Variants in PLCB1 observed in about 807,000 individuals in gnomAD.
PLCB1 encodes 1-phosphatidylinositol 4,5-bisphosphate phosphodiesterase beta-1.
A neutral mutation model predicts 161.8 loss-of-function variants in PLCB1; 46 were observed. The ratio of observed to expected loss-of-function variants is 0.28; its 90% confidence interval spans 0.22 to 0.36. The LOEUF (loss-of-function observed/expected upper bound fraction) is 0.36. PLCB1 is among the 10% of genes least tolerant of loss of function. The probability of loss-of-function intolerance (pLI) is 1.00; values close to 1 mark genes in which losing one functional copy is unlikely to be tolerated. For synonymous variants in PLCB1, 517 were observed against 503.7 expected, an observed-to-expected ratio of 1.03 and a Z score of -0.35; for missense variants, 1,016 against 1,472.5, an observed-to-expected ratio of 0.69 and a Z score of 5.07.
At chr20:8,230,105 CAA>C (rs1979945829) in intron 2 of PLCB1, among the ~76,000 whole-genome samples, 1 of 82,430 alleles carries the variant, frequency 1.2e-5, no homozygotes. Context: ...AAACAGAAAA[CAA>C]AGTAGGCCTA....
In PLCB1 at chr20:8,134,870, A is replaced by T. The variant is rs1011740343; in HGVS notation, c.99+2120A>T. Among the ~76,000 whole-genome samples the T allele has an allele frequency of 7.5e-4, 110 of 147,554 alleles. 1 individual carries two copies. The highest frequency in any genetic ancestry group is 6.5e-3 in the East Asian group (33 of 5,094). ...CCAGAAGAATTTCAGGTCTTTTTTAAAAAAAAAAAAAAAACCTAGACTGCA... is the reference window on the plus strand; with the variant it reads ...CCAGAAGAATTTCAGGTCTTTTTTATAAAAAAAAAAAAAACCTAGACTGCA... On this transcript the variant is annotated intron_variant, in intron 1 of 31. Transcript: ENST00000338037.
At chr20:8,556,293 C>G (rs1985950316) in intron 3 of PLCB1, among the ~76,000 whole-genome samples, 1 of 151,924 alleles carries the variant, frequency 6.6e-6, no homozygotes, top group Admixed American at 6.6e-5. Flanking sequence ...TTTTACCTAA[C>G]TTGGAACTCT....
At position 8,648,530 on chromosome 20, in the gene PLCB1, A is replaced by C. The variant is rs541739178; in HGVS notation, c.518+577A>C. On this transcript the variant is annotated intron_variant, in intron 6 of 31. Transcript: ENST00000338037. ...CCTAAATTAGTATATTAAATTGTCC[A>C]GTACTTAAGTTCTATTTTTAAATCA... is the stretch of plus-strand genomic sequence containing the variant. 5.0e-4 allele frequency among the ~76,000 whole-genome samples: 76 copies of C among 152,354 alleles called. 1 individual carries two copies. The highest frequency in any genetic ancestry group is 1.8e-3 in the African/African-American group (73 of 41,584).
chr20:8,554,029 C>T (rs756521407), intron 3 of PLCB1, among the ~76,000 whole-genome samples: 3 of 151,528 alleles, frequency 2.0e-5, no homozygotes, highest in Non-Finnish European at 4.4e-5. Flanking sequence ...TGCTGTTTAA[C>T]TCCACAAAAG....
At chr20:8,640,838 C>A (rs1276431559) in intron 4 of PLCB1, among the ~76,000 whole-genome samples, 4 of 152,156 alleles carry the variant, frequency 2.6e-5, no homozygotes, top group African/African-American at 9.7e-5. Context: ...CTACTCTGTG[C>A]CATGGACGTT....
intron 3 of PLCB1, among the ~76,000 whole-genome samples, chr20:8,510,802 G>A (rs1453813250): frequency 6.6e-6 from 1 of 152,186 alleles, no homozygotes; most frequent in African/African-American, 2.4e-5. Flanking sequence ...ACTTCTGAAA[G>A]AGAGGGTTTT....
intron 2 of PLCB1, among the ~76,000 whole-genome samples, chr20:8,170,161 G>A (rs981135779): frequency 6.6e-6 from 1 of 152,112 alleles, no homozygotes; most frequent in Admixed American, 6.6e-5. Context: ...TGTAGTATCT[G>A]AGATCTCTAG....
intron 2 of PLCB1, among the ~76,000 whole-genome samples, chr20:8,234,579 C>T (rs1980226541): frequency 6.6e-6 from 1 of 152,110 alleles, no homozygotes; most frequent in Non-Finnish European, 1.5e-5. Context: ...AAATACTATT[C>T]CTAGAGCTGG....
intron 31 of PLCB1, among the ~76,000 whole-genome samples, chr20:8,801,504 C>G (rs974756726): frequency 6.6e-6 from 1 of 152,180 alleles, no homozygotes; most frequent in Non-Finnish European, 1.5e-5. Flanking sequence ...TTGTCTGTTT[C>G]GTTCCCTGAC....
chr20:8,196,222 A>G (rs1351319961), intron 2 of PLCB1, among the ~76,000 whole-genome samples: 3 of 152,132 alleles, frequency 2.0e-5, no homozygotes, highest in Non-Finnish European at 2.9e-5. Flanking sequence ...TGGCAAAAAT[A>G]CCACAGAAGT....
At chr20:8,658,280 C>T (rs1343038484) in intron 8 of PLCB1, among the ~76,000 whole-genome samples, 1 of 152,060 alleles carries the variant, frequency 6.6e-6, no homozygotes, top group African/African-American at 2.4e-5. Flanking sequence ...CAGTGTTTTC[C>T]CACTGTGGGT....
chr20:8,153,697 A>G (rs1372544842), intron 2 of PLCB1, among the ~76,000 whole-genome samples: 1 of 152,156 alleles, frequency 6.6e-6, no homozygotes, highest in Non-Finnish European at 1.5e-5. Flanking sequence ...CTTCTGTGCC[A>G]AGGTTGGTGT....
intron 3 of PLCB1, among the ~76,000 whole-genome samples, chr20:8,411,200 G>A (rs1979028248): frequency 6.6e-6 from 1 of 152,162 alleles, no homozygotes; most frequent in African/African-American, 2.4e-5. Context: ...TGTACTGTAA[G>A]TGCAAAATAC....
chr20:8,625,822 G>C (rs1427868550), intron 3 of PLCB1, among the ~76,000 whole-genome samples: 2 of 151,968 alleles, frequency 1.3e-5, no homozygotes, highest in East Asian at 3.9e-4. Flanking sequence ...TTACCAGCCT[G>C]TTTCATCCAC....
At chr20:8,485,255 A>G (rs114001378) in intron 3 of PLCB1, among the ~76,000 whole-genome samples, 108 of 152,320 alleles carry the variant, frequency 7.1e-4, no homozygotes, top group African/African-American at 2.5e-3. Context: ...TCCACAGCCA[A>G]TCCTTCACAA....
intron 2 of PLCB1, among the ~76,000 whole-genome samples, chr20:8,348,873 A>T (rs894528966): frequency 6.6e-6 from 1 of 152,204 alleles, no homozygotes; most frequent in African/African-American, 2.4e-5. Context: ...AATCAAAATC[A>T]ATCAAACATA....
chr20:8,246,429 A>G (rs1352994166), intron 2 of PLCB1, among the ~76,000 whole-genome samples: 2 of 151,930 alleles, frequency 1.3e-5, no homozygotes, highest in Non-Finnish European at 2.9e-5. Context: ...ATGTAGGGGT[A>G]TGGTTTCAAG....
chr20:8,137,453 C>A (rs1257350879), intron 1 of PLCB1, among the ~76,000 whole-genome samples: 2 of 152,186 alleles, frequency 1.3e-5, no homozygotes, highest in African/African-American at 2.4e-5. Flanking sequence ...CAGATGCCCT[C>A]TAAGGAGCCA....
At chr20:8,251,178 A>C (rs1191885777) in intron 2 of PLCB1, among the ~76,000 whole-genome samples, 1 of 151,948 alleles carries the variant, frequency 6.6e-6, no homozygotes, top group African/African-American at 2.4e-5. Context: ...TTGTAAGGAC[A>C]CTAACCTCAT....
Sources: gnomAD v4.1 joint callset for allele counts (sites outside exome capture counted in the v4.1 genomes callset) on GRCh38, gnomAD v4.1.1 for gene constraint, MANE v1.5 for transcripts, NCBI Gene and HGNC (gene_info 2026-07-23, HGNC 2026-07-21) for gene names.